DYNC2H1: variants seen among roughly 807,000 people sequenced by gnomAD.
DYNC2H1 encodes dynein cytoplasmic 2 heavy chain 1.
A neutral mutation model predicts 570.0 loss-of-function variants in DYNC2H1; 410 were observed. That is an observed-to-expected ratio of 0.72 (90% CI 0.66 to 0.78). The LOEUF is 0.78. Ranked by LOEUF, DYNC2H1 falls within the 30% of genes least tolerant of loss-of-function variation. The pLI is 0.00. For missense variants in DYNC2H1, 4,865 were observed against 5,046.4 expected (o/e 0.96, Z 1.09); for synonymous variants, 1,688 against 1,677.6 (o/e 1.01, Z -0.15).
At position 103,241,083 on chromosome 11, in the gene DYNC2H1, G is replaced by T. The variant is rs1658210975; in HGVS notation, c.9820-2610G>T. ...TAGCTGATCTCTCTTGTCTTAGTTT[G>T]ACTTGAACTGTTTTCTAGCCATAAC... is the stretch of plus-strand genomic sequence containing the variant. On this transcript the variant is annotated intron_variant, in intron 63 of 88. Coordinates refer to ENST00000375735, the MANE Select transcript of DYNC2H1 (RefSeq NM_001377.3). This position sits in a 1 kb window ranked among gnomAD's most constrained non-coding sequence, Gnocchi z 5.1. Among the ~76,000 whole-genome samples, 1 of 151,996 alleles carries T rather than the reference G, an allele frequency of 6.6e-6. No individual in the cohort carries two copies. Among genetic ancestry groups the T allele is most frequent in the South Asian group, 2.1e-4 (1 of 4,828 alleles).
intron 84 of DYNC2H1, among the ~76,000 whole-genome samples, chr11:103,431,893 G>C (rs1039095560): frequency 6.6e-6 from 1 of 152,152 alleles, no homozygotes; most frequent in Non-Finnish European, 1.5e-5. Flanking sequence ...GTGGGGCACT[G>C]TCGTAGAGAA....
At chr11:103,187,067 G>A (rs1216567157) in intron 42 of DYNC2H1, among the ~76,000 whole-genome samples, 7 of 151,892 alleles carry the variant, frequency 4.6e-5, no homozygotes, top group Non-Finnish European at 1.0e-4. Flanking sequence ...TATTTGACAT[G>A]TACTTTATCA....
Position 103,136,386 on chromosome 11 carries a change from C to T in DYNC2H1, c.2574+438C>T, listed in dbSNP as rs1357608839. 4.6e-5 allele frequency among the ~76,000 whole-genome samples: 7 copies of T among 151,270 alleles called. No individual in the cohort carries two copies. The East Asian group carries it at 7.8e-4, about 17-fold the overall frequency. On this transcript the variant is annotated intron_variant, in intron 17 of 88. Coordinates refer to ENST00000375735, the MANE Select transcript of DYNC2H1 (RefSeq NM_001377.3). ...ACTATCCCTCCCCCCTCCCGCCACCCGACAACAGTCCCCAGAGTGTGATGT... is the reference window on the plus strand; with the variant it reads ...ACTATCCCTCCCCCCTCCCGCCACCTGACAACAGTCCCCAGAGTGTGATGT...
chr11:103,212,639 A>C (rs1045049158), intron 54 of DYNC2H1, among the ~76,000 whole-genome samples: 1 of 152,072 alleles, frequency 6.6e-6, no homozygotes, highest in African/African-American at 2.4e-5. Flanking sequence ...TTTAACTTAA[A>C]TGTGACATTA....
At position 103,157,812 on chromosome 11, in the gene DYNC2H1, G is replaced by A. The variant is rs6591004; in HGVS notation, c.4128-865G>A. Among the ~76,000 whole-genome samples, 1 of 152,110 alleles carries A rather than the reference G, an allele frequency of 6.6e-6. No homozygotes were observed. The highest frequency in any genetic ancestry group is 2.4e-5 in the African/African-American group (1 of 41,404). ...TCCCATTGTGCTAGGGATAAAGCAT[G>A]ATCTGCTCCTTGTTCATTTCTCTAT... On this transcript the variant is annotated intron_variant, in intron 26 of 88. Transcript: ENST00000375735. This position sits in a 1 kb window ranked among gnomAD's most constrained non-coding sequence, Gnocchi z 4.2.
At chr11:103,214,946 C>T (rs1044740828) in intron 54 of DYNC2H1, among the ~76,000 whole-genome samples, 69 of 151,780 alleles carry the variant, frequency 4.5e-4, no homozygotes, top group Admixed American at 2.2e-3. Flanking sequence ...ATTTCTTTTT[C>T]GGTGAGTTCA....
chr11:103,238,140 A>G (rs1864292443), intron 63 of DYNC2H1, among the ~76,000 whole-genome samples: 2 of 152,164 alleles, frequency 1.3e-5, no homozygotes. Context: ...CGTAATCTGT[A>G]ACATCAACTC....
Position 103,222,059 on chromosome 11 carries a change from A to T in DYNC2H1, c.9137A>T (p.Asp3046Val). The change falls in exon 58 of 89, where the codon GAC becomes GTC. Residue 3046 changes from aspartate to valine, a missense_variant. By Grantham distance (152) the Asp-to-Val change is radical. Around this residue, in one of 5 missense-constraint regions of DYNC2H1, gnomAD observed 2,401 missense variants for 2,454.6 expected, o/e 0.98. Coordinates refer to ENST00000375735, the MANE Select transcript of DYNC2H1 (RefSeq NM_001377.3). ...SFLAKRGVRE[D>V]IATFDARNIS... ...CTTGCAAAAAGAGGTGTAAGAGAAG[A>T]CATAGCAACCTTTGATGCCCGAAAT... 1 of 1,612,192 alleles carries T rather than the reference A, an allele frequency of 6.2e-7. No homozygotes were observed. The highest frequency in any genetic ancestry group is 8.5e-7 in the Non-Finnish European group (1 of 1,179,038).
At chr11:103,184,554 T>G (rs544189179) in intron 40 of DYNC2H1, among the ~76,000 whole-genome samples, 1 of 152,028 alleles carries the variant, frequency 6.6e-6, no homozygotes, top group African/African-American at 2.4e-5. Flanking sequence ...TCTTGTATTC[T>G]TTTTATCAGC....
chr11:103,182,590 G>C (rs542924172), intron 40 of DYNC2H1, among the ~76,000 whole-genome samples: 5 of 151,956 alleles, frequency 3.3e-5, no homozygotes, highest in African/African-American at 1.2e-4. Context: ...GAATATTGCT[G>C]TCATTTAGAA....
At position 103,258,594 on chromosome 11, in the gene DYNC2H1, A is replaced by G. The variant is rs1018877796; in HGVS notation, c.10605+843A>G. On this transcript the variant is annotated intron_variant, in intron 69 of 88. Transcript: ENST00000375735. ...TGGGTTGGGAGGACTTGACGACAGG[A>G]CTGCCAACTGCAGCACCTCTGCAGG... Among the ~76,000 whole-genome samples the G allele has an allele frequency of 3.9e-5, 6 of 152,300 alleles. No homozygotes were observed. In the South Asian group the frequency reaches 1.0e-3, roughly 26 times the overall value.
chr11:103,116,430 A>T (rs921324254), intron 4 of DYNC2H1, 140 bp from the exon 5 acceptor site: 1 of 496,452 alleles, frequency 2.0e-6, no homozygotes, highest in African/African-American at 2.0e-5. Context: ...GGAAGTAGTT[A>T]TAAGCTGTTA....
rs749058358 is a variant in DYNC2H1 at position 103,135,628 on chromosome 11, C to G, written c.2339C>G (p.Thr780Ser). 86 of 1,612,038 alleles carry G rather than the reference C, an allele frequency of 5.3e-5. No homozygotes were observed. Among genetic ancestry groups the G allele is most frequent in the Non-Finnish European group, 6.7e-5 (79 of 1,179,368 alleles). The change falls in exon 16 of 89, where the codon ACT becomes AGT. Residue 780 changes from threonine to serine, a missense_variant. Physicochemically the swap from Thr to Ser is moderately conservative, Grantham distance 58. Coordinates refer to ENST00000375735, the MANE Select transcript of DYNC2H1 (RefSeq NM_001377.3). ...ENLPEINIDL[T>S]YKQGRLQFRP... ...TTGCCAGAAATAAATATAGACTTAACTTACAAGTAAGATGTTTTTTCAACC... is the reference window on the plus strand; with the variant it reads ...TTGCCAGAAATAAATATAGACTTAAGTTACAAGTAAGATGTTTTTTCAACC...
chr11:103,337,414 C>T (rs1198654368), intron 82 of DYNC2H1, among the ~76,000 whole-genome samples: 1 of 152,132 alleles, frequency 6.6e-6, no homozygotes, highest in Non-Finnish European at 1.5e-5. Context: ...CTGGTCTTGG[C>T]ACTGGACAAT....
chr11:103,173,883 T>A (rs1212885658), intron 35 of DYNC2H1, among the ~76,000 whole-genome samples, 172 bp from the exon 36 acceptor site: 1 of 152,186 alleles, frequency 6.6e-6, no homozygotes, highest in Non-Finnish European at 1.5e-5. Context: ...CGTCCATCTT[T>A]AACAGCTTAC....
rs181360167 is a variant in DYNC2H1, at chr11:103,289,383, A to G, written c.11095+1778A>G. Among the ~76,000 whole-genome samples the G allele has an allele frequency of 1.2e-3, 184 of 152,328 alleles. 1 individual carries two copies. The highest frequency in any genetic ancestry group is 4.4e-3 in the African/African-American group (182 of 41,576). On this transcript the variant is annotated intron_variant, in intron 75 of 88. Coordinates refer to ENST00000375735, the MANE Select transcript of DYNC2H1 (RefSeq NM_001377.3). This position sits in a 1 kb window ranked among gnomAD's most constrained non-coding sequence, Gnocchi z 4.2. Reference sequence around the variant, plus strand: ...CCTTCCCAAGGATAGTTCAGCCTACATGCAGGAATGAACAAGGTCAGCTTA... The same window carrying G: ...CCTTCCCAAGGATAGTTCAGCCTACGTGCAGGAATGAACAAGGTCAGCTTA...
chr11:103,377,727 C>T (rs1460873777), intron 83 of DYNC2H1, among the ~76,000 whole-genome samples: 1 of 152,042 alleles, frequency 6.6e-6, no homozygotes, highest in Admixed American at 6.6e-5. Flanking sequence ...TTACTTTTTA[C>T]ATTTACATAG....
chr11:103,192,914 T>C (rs961082073), intron 47 of DYNC2H1, among the ~76,000 whole-genome samples: 1 of 152,190 alleles, frequency 6.6e-6, no homozygotes, highest in African/African-American at 2.4e-5. Context: ...AAGGTGCTTA[T>C]TTTTTCAGAG....
chr11:103,432,709 A>C (rs1293816207), intron 84 of DYNC2H1, among the ~76,000 whole-genome samples: 1 of 152,100 alleles, frequency 6.6e-6, no homozygotes, highest in Non-Finnish European at 1.5e-5. Flanking sequence ...ACATAACTAC[A>C]TTTATTTAAG....
Sources: gnomAD v4.1 joint callset for allele counts (sites outside exome capture counted in the v4.1 genomes callset) on GRCh38, gnomAD v4.1.1 for gene constraint, gnomAD v4.1.1 regional missense constraint, Gnocchi (gnomAD v3.1) non-coding constraint, MANE v1.5 for transcripts, NCBI Gene and HGNC (gene_info 2026-07-23, HGNC 2026-07-21) for gene names.